The following AUTS2 variants were observed in gnomAD, a reference collection of about 807,000 sequenced individuals.
The protein encoded by AUTS2 is activator of transcription and developmental regulator AUTS2, also known as autism susceptibility gene 2 protein.
A neutral mutation model predicts 112.4 loss-of-function variants in AUTS2; 17 were observed. That is an observed-to-expected ratio of 0.15 (90% CI 0.10 to 0.23). AUTS2 has a LOEUF of 0.23. AUTS2 is among the 10% of genes least tolerant of loss of function. The pLI, the probability that AUTS2 is intolerant of heterozygous loss-of-function variation, is 1.00. For missense variants in AUTS2, 1,510 were observed against 1,701.6 expected, an observed-to-expected ratio of 0.89 and a Z score of 1.98; for synonymous variants, 751 against 702.7, an observed-to-expected ratio of 1.07 and a Z score of -1.09.
rs778515324 is a variant in AUTS2 at position 70,792,126 on chromosome 7, T to C, written c.*1130T>C. On this transcript the variant is annotated 3_prime_UTR_variant, in exon 19 of 19. Coordinates refer to ENST00000342771, the MANE Select transcript of AUTS2 (RefSeq NM_015570.4). ...TTCACTGTATTCAATAACTGACGGATGTAAGGTGCACGTTTCCTGATGTGA... is the reference window on the plus strand; with the variant it reads ...TTCACTGTATTCAATAACTGACGGACGTAAGGTGCACGTTTCCTGATGTGA... 1.3e-5 allele frequency: 2 copies of C among 152,142 alleles called. No homozygotes were observed. Among genetic ancestry groups the C allele is most frequent in the Non-Finnish European group, 2.9e-5 (2 of 67,980 alleles). 9.4% of individuals were successfully genotyped at this position (152,142 alleles called of 1,614,324 possible).
intron 1 of AUTS2, among the ~76,000 whole-genome samples, chr7:69,789,416 G>A (rs1247115503): frequency 6.6e-6 from 1 of 152,200 alleles, no homozygotes; most frequent in Non-Finnish European, 1.5e-5. Flanking sequence ...AATTATCTTA[G>A]CTGGATTTCT....
intron 4 of AUTS2, among the ~76,000 whole-genome samples, chr7:70,181,386 C>G (rs1482187747): frequency 7.9e-5 from 12 of 152,164 alleles, no homozygotes; most frequent in Admixed American, 2.0e-4. Context: ...TTTAGAGAGA[C>G]AAACAGGCAA....
chr7:69,828,000 G>A (rs1396644856), intron 1 of AUTS2, among the ~76,000 whole-genome samples: 3 of 152,208 alleles, frequency 2.0e-5, no homozygotes, highest in African/African-American at 7.2e-5. Flanking sequence ...TACAGGCTGG[G>A]GACCAGCATT....
At chr7:70,548,933 C>G (rs941446482) in intron 5 of AUTS2, among the ~76,000 whole-genome samples, 35 of 141,140 alleles carry the variant, frequency 2.5e-4, no homozygotes, top group Non-Finnish European at 4.6e-4. Flanking sequence ...TACCCCCCCC[C>G]CAAAAAAAAA....
rs79879682 is a variant in AUTS2 at position 69,898,919 on chromosome 7, T to G, written c.310-367T>G. 5.9e-5 allele frequency among the ~76,000 whole-genome samples: 9 copies of G among 152,308 alleles called. No homozygotes were observed. In the East Asian group the frequency reaches 7.7e-4, roughly 13 times the overall value. ...TGCTCATTTTCTGAAACATAATTGA[T>G]GTACCAACTTGGGAAATGAGTGTAT... On this transcript the variant is annotated intron_variant, in intron 1 of 18. Coordinates refer to ENST00000342771, the MANE Select transcript of AUTS2 (RefSeq NM_015570.4).
chr7:69,964,712 C>T (rs967806860), intron 2 of AUTS2, among the ~76,000 whole-genome samples: 29 of 151,664 alleles, frequency 1.9e-4, no homozygotes, highest in Admixed American at 1.3e-4. Flanking sequence ...AAACGGGGAA[C>T]GATCACAAGG....
intron 4 of AUTS2, among the ~76,000 whole-genome samples, chr7:70,284,655 G>A (rs1788373997): frequency 6.6e-6 from 1 of 152,194 alleles, no homozygotes. Context: ...AGAGCAAAAG[G>A]TCTTAATGAA....
rs539392243 is a variant in AUTS2, at chr7:70,211,371, C to T, written c.660+76800C>T. ...TTTAAAAGAAAAAAGACTTTCTGGC[C>T]GGGCGCGGTGGTTCACGCCTATAAT... On this transcript the variant is annotated intron_variant, in intron 4 of 18. Coordinates refer to ENST00000342771, the MANE Select transcript of AUTS2 (RefSeq NM_015570.4). Among the ~76,000 whole-genome samples, 328 of 150,382 alleles carry T rather than the reference C, an allele frequency of 2.2e-3. 1 individual carries two copies. The highest frequency in any genetic ancestry group is 3.4e-3 in the Middle Eastern group (1 of 294).
chr7:70,154,308 A>G (rs953314151), intron 4 of AUTS2, among the ~76,000 whole-genome samples: 3 of 152,196 alleles, frequency 2.0e-5, no homozygotes, highest in African/African-American at 4.8e-5. Flanking sequence ...AAAATGAGAG[A>G]GGAAAAGGGA....
chr7:69,817,150 A>G (rs527367541), intron 1 of AUTS2, among the ~76,000 whole-genome samples: 2 of 152,368 alleles, frequency 1.3e-5, no homozygotes. Flanking sequence ...CAGTGACAGC[A>G]CTGCTGTTGA....
intron 4 of AUTS2, among the ~76,000 whole-genome samples, chr7:70,216,710 C>T (rs955338317): frequency 6.6e-5 from 10 of 152,178 alleles, no homozygotes; most frequent in African/African-American, 1.7e-4. Context: ...CCGGAGTCCT[C>T]CCAGTGGCAT....
intron 6 of AUTS2, among the ~76,000 whole-genome samples, chr7:70,750,882 T>G (rs946422153): frequency 1.3e-5 from 2 of 152,220 alleles, no homozygotes; most frequent in African/African-American, 4.8e-5. Context: ...GTGGCTTTAC[T>G]TCATCCTTGA....
chr7:70,729,889 TG>T (rs1787269892), intron 6 of AUTS2, among the ~76,000 whole-genome samples: 2 of 147,828 alleles, frequency 1.4e-5, no homozygotes, highest in Admixed American at 6.8e-5. Flanking sequence ...TATGTATGTA[TG>T]TATGTATTTA....
At position 69,649,344 on chromosome 7, in the gene AUTS2, A is replaced by G. The variant is rs2533438; in HGVS notation, c.309+49382A>G. Among the ~76,000 whole-genome samples the G allele has an allele frequency of 2.2e-3, 336 of 152,310 alleles. 1 individual carries two copies. Among genetic ancestry groups the G allele is most frequent in the African/African-American group, 7.8e-3 (323 of 41,570 alleles). On this transcript the variant is annotated intron_variant, in intron 1 of 18. Coordinates refer to ENST00000342771, the MANE Select transcript of AUTS2 (RefSeq NM_015570.4). ...TGGTACACTGTGTTTCTGTAGTCCA[A>G]TGAGCTGGGTTCCAAACTACCTCCT...
rs1184552661 is a variant in AUTS2, at chr7:70,169,082, GA to G, written c.660+34515del. ...TTAGATTAGTTACATGAGATGGATA[GA>G]AAACAGGCTCAGGGCTTAGGGTTTA... On this transcript the variant is annotated intron_variant, in intron 4 of 18. Coordinates refer to ENST00000342771, the MANE Select transcript of AUTS2 (RefSeq NM_015570.4). Among the ~76,000 whole-genome samples the G allele has an allele frequency of 2.6e-5, 4 of 152,236 alleles. No individual in the cohort carries two copies. In the East Asian group the frequency reaches 7.7e-4, roughly 29 times the overall value.
intron 2 of AUTS2, among the ~76,000 whole-genome samples, chr7:69,943,884 C>T (rs893162396): frequency 1.3e-5 from 2 of 152,138 alleles, no homozygotes; most frequent in African/African-American, 4.8e-5. Context: ...ATGGTACTCA[C>T]TGTGGGAGGA....
At chr7:70,540,531 G>T (rs929264310) in intron 5 of AUTS2, among the ~76,000 whole-genome samples, 3 of 152,170 alleles carry the variant, frequency 2.0e-5, no homozygotes, top group African/African-American at 7.2e-5. Context: ...CATTGTGCCT[G>T]CTCAGGGCTC....
intron 4 of AUTS2, among the ~76,000 whole-genome samples, chr7:70,408,340 A>C (rs918705265): frequency 2.0e-5 from 3 of 152,170 alleles, no homozygotes; most frequent in African/African-American, 7.2e-5. Flanking sequence ...TGAGAATCAC[A>C]TTAGGATGAG....
intron 1 of AUTS2, among the ~76,000 whole-genome samples, chr7:69,781,707 A>C (rs953789258): frequency 1.3e-5 from 2 of 152,118 alleles, no homozygotes; most frequent in African/African-American, 2.4e-5. Flanking sequence ...TGTAGACTGC[A>C]GTGGCTGATT....
Sources: allele counts gnomAD v4.1 joint callset (sites outside exome capture counted in the v4.1 genomes callset), GRCh38; gene constraint gnomAD v4.1.1; transcripts MANE v1.5; gene names NCBI Gene and HGNC (gene_info 2026-07-23, HGNC 2026-07-21).